The following ANKAR variants were observed in gnomAD, a reference collection of about 807,000 sequenced individuals.
ANKAR encodes ankyrin and armadillo repeat-containing protein.
ANKAR carries 136 observed loss-of-function variants against 146.2 expected under a neutral mutation model. That is an observed-to-expected ratio of 0.93 (90% confidence interval 0.81 to 1.07). The LOEUF (loss-of-function observed/expected upper bound fraction) is 1.07, where lower values mean the gene tolerates loss of function less well. Among genes scored for constraint, ANKAR ranks in the 50% least tolerant of loss-of-function variants. The pLI is 0.00. For synonymous variants in ANKAR, 500 were observed against 575.8 expected (o/e 0.87, Z 1.88); for missense variants, 1,567 against 1,679.9 (o/e 0.93, Z 1.18).
intron 20 of ANKAR, among the ~76,000 whole-genome samples, chr2:189,742,753 T>G (rs2043458091): frequency 1.3e-5 from 2 of 151,944 alleles, no homozygotes; most frequent in South Asian, 2.1e-4. Context: ...ATATGGGTGA[T>G]GCTAATGCAT....
At chr2:189,691,580 A>C (rs934485276) in intron 3 of ANKAR, among the ~76,000 whole-genome samples, 1 of 152,082 alleles carries the variant, frequency 6.6e-6, no homozygotes. Context: ...TCTTGAGCTC[A>C]CTTACAATAA....
chr2:189,693,983 A>C (rs2036820813), intron 5 of ANKAR, among the ~76,000 whole-genome samples: 1 of 152,130 alleles, frequency 6.6e-6, no homozygotes, highest in Admixed American at 6.5e-5. Flanking sequence ...TCCTGACCTC[A>C]AGTGATCTGC....
At chr2:189,683,820 T>C (rs2035114282) in intron 2 of ANKAR, among the ~76,000 whole-genome samples, 1 of 152,246 alleles carries the variant, frequency 6.6e-6, no homozygotes, top group South Asian at 2.1e-4. Context: ...CTACAGTGGA[T>C]TTCCAAGGAA....
At chr2:189,746,768 T>C (rs1409456688), downstream of ANKAR, 2 of 968,804 alleles carry the variant, frequency 2.1e-6, no homozygotes, top group Non-Finnish European at 1.4e-6. Context: ...AGATTTTCCT[T>C]AGCATGTCTA....
chr2:189,688,714 C>T (rs2035966022), intron 2 of ANKAR, among the ~76,000 whole-genome samples: 2 of 152,080 alleles, frequency 1.3e-5, no homozygotes, highest in African/African-American at 4.8e-5. Flanking sequence ...TTCTAACATG[C>T]GTATTGAACA....
chr2:189,689,456 ATCT>A, intron 2 of ANKAR, 68 bp from the exon 3 acceptor site: 3 of 1,253,418 alleles, frequency 2.4e-6, no homozygotes, highest in Non-Finnish European at 3.3e-6. Flanking sequence ...CCTGTGTTCA[ATCT>A]TCTGTATTTA....
Position 189,676,742 on chromosome 2 carries a change from C to T in ANKAR, c.252C>T (p.Ile84=). 1 of 1,614,198 alleles carries T rather than the reference C, an allele frequency of 6.2e-7. No homozygotes were observed. The highest frequency in any genetic ancestry group is 8.5e-7 in the Non-Finnish European group (1 of 1,180,040). ...ATAACGTAGGCTTCTCCACTGCAAT[C>T]CTACTGACTCCCGTGGACCCTACTG... ...QMNNVGFSTA[I]LLTPVDPTAL... is the part of the protein sequence containing the mutation. The change falls in exon 2 of 23, where the codon ATC becomes ATT. Residue 84 remains isoleucine (I), a synonymous_variant. Coordinates refer to ENST00000684021, the MANE Select transcript of ANKAR (RefSeq NM_001378068.1).
chr2:189,675,273 C>T (rs2033361124), intron 1 of ANKAR, among the ~76,000 whole-genome samples: 2 of 152,122 alleles, frequency 1.3e-5, no homozygotes, highest in South Asian at 4.1e-4. Flanking sequence ...AAGAACCTGG[C>T]TCAATAAATA....
intron 14 of ANKAR, 99 bp downstream of exon 14, chr2:189,728,519 C>G: frequency 6.8e-7 from 1 of 1,460,882 alleles, no homozygotes. Flanking sequence ...CTCACTGCAG[C>G]CTCAAACCCC....
chr2:189,746,750 T>C (rs2044217322), downstream of ANKAR: 5 of 966,394 alleles, frequency 5.2e-6, no homozygotes, highest in Non-Finnish European at 7.2e-6. Flanking sequence ...TTGATCTCGA[T>C]ACTAAGCAGA....
rs941311347 is a variant in ANKAR, at chr2:189,700,480, A to C, written c.1708+4111A>C. Among the ~76,000 whole-genome samples the C allele has an allele frequency of 2.6e-5, 4 of 152,260 alleles. 1 individual carries two copies. Among genetic ancestry groups the C allele is most frequent in the Admixed American group, 6.5e-5 (1 of 15,290 alleles). ...ATTTTTTGATACAGGCATGCAATGC[A>C]TAATAATCACATCAGAGTAGAGTAT... On this transcript the variant is annotated intron_variant, in intron 7 of 22. Coordinates refer to ENST00000684021, the MANE Select transcript of ANKAR (RefSeq NM_001378068.1).
intron 12 of ANKAR, among the ~76,000 whole-genome samples, chr2:189,723,858 C>T (rs1559121244): frequency 6.6e-6 from 1 of 152,188 alleles, no homozygotes; most frequent in African/African-American, 2.4e-5. Context: ...CTGACGTCTT[C>T]CCTGAGCTTT....
At chr2:189,743,622 T>C (rs1466750180) in intron 21 of ANKAR, 148 bp downstream of exon 21, 1 of 760,250 alleles carries the variant, frequency 1.3e-6, no homozygotes, top group Admixed American at 2.9e-5. Flanking sequence ...AAATGACCAC[T>C]GCCACAACCT....
Position 189,728,759 on chromosome 2 carries a change from T to TCGC in ANKAR, c.3131_3132insCGC (p.Ile1044_Ser1045insAla). On this transcript the variant is annotated inframe_insertion, in exon 15 of 23. Transcript: ENST00000684021. ...GCACCATTGGTTCGCTTACTAAGAA[T>TCGC]TAGTACGATTGCTGAAGGCACACTT... The TCGC allele has an allele frequency of 6.2e-7, 1 of 1,614,018 alleles. No individual in the cohort carries two copies. Among genetic ancestry groups the TCGC allele is most frequent in the Non-Finnish European group, 8.5e-7 (1 of 1,179,914 alleles).
rs1247001849 is a variant in ANKAR at position 189,694,999 on chromosome 2, T to A, written c.1326T>A (p.Phe442Leu). 6.5e-7 allele frequency: 1 copy of A among 1,540,902 alleles called. No homozygotes were observed. Among genetic ancestry groups the A allele is most frequent in the Admixed American group, 1.9e-5 (1 of 51,382 alleles). The change falls in exon 6 of 23, where the codon TTT becomes TTA. Residue 442 changes from phenylalanine (F) to leucine (L), a missense_variant. Coordinates refer to ENST00000684021, the MANE Select transcript of ANKAR (RefSeq NM_001378068.1). ...TTTATAGCTACTATGTGATCTATTT[T>A]GAACTAGAAACTTTCTATCAGCAAC... ...FHGKSYYVIY[F>L]ELETFYQQLY...
At chr2:189,718,940 G>A (rs1574602050) in intron 10 of ANKAR, among the ~76,000 whole-genome samples, 1 of 150,880 alleles carries the variant, frequency 6.6e-6, no homozygotes, top group Admixed American at 6.6e-5. Context: ...TAGTAGAGAC[G>A]GGGTTTCACC....
At chr2:189,714,316 C>T (rs895174720) in intron 10 of ANKAR, among the ~76,000 whole-genome samples, 3 of 152,188 alleles carry the variant, frequency 2.0e-5, no homozygotes, top group Non-Finnish European at 4.4e-5. Flanking sequence ...ACATTCTTCT[C>T]AGCACCACAT....
intron 9 of ANKAR, among the ~76,000 whole-genome samples, chr2:189,708,383 T>C (rs1208431847): frequency 6.6e-6 from 1 of 152,254 alleles, no homozygotes. Flanking sequence ...ATTATAGATA[T>C]GTATGTTCAG....
rs759896241 is a variant in ANKAR, at chr2:189,689,977, C to T, written c.1039+13C>T. 14 of 1,459,246 alleles carry T rather than the reference C, an allele frequency of 9.6e-6. No individual in the cohort carries two copies. The highest frequency in any genetic ancestry group is 1.3e-5 in the Non-Finnish European group (14 of 1,104,160). 90.4% of individuals were successfully genotyped at this position (1,459,246 alleles called of 1,614,324 possible). A position where few individuals can be genotyped will look rare whatever the true frequency, so the allele number is the denominator to read the frequency against. On this transcript the variant is annotated intron_variant, in intron 3 of 22. Coordinates refer to ENST00000684021, the MANE Select transcript of ANKAR (RefSeq NM_001378068.1). ...CAGCCTTTTTCAGGTAAGAGTATCA[C>T]CAAAAATCAAATATAAAATATAGGT...
Sources: allele counts gnomAD v4.1 joint callset (sites outside exome capture counted in the v4.1 genomes callset), GRCh38; gene constraint gnomAD v4.1.1; transcripts MANE v1.5; gene names NCBI Gene and HGNC (gene_info 2026-07-23, HGNC 2026-07-21).